VSTM2B: variants seen among roughly 807,000 people sequenced by gnomAD.
The protein encoded by VSTM2B is V-set and transmembrane domain-containing protein 2B.
VSTM2B carries 24 observed loss-of-function variants against 24.0 expected under a neutral mutation model. The observed-to-expected ratio is 1.00, with a 90% CI of 0.72 to 1.40. VSTM2B has a LOEUF of 1.40. Among genes scored for constraint, VSTM2B ranks in the 40% most tolerant of loss-of-function variants. The pLI is 0.00. For missense variants in VSTM2B, 399 were observed against 416.4 expected (o/e 0.96, Z 0.36); for synonymous variants, 226 against 194.4 (o/e 1.16, Z -1.35).
Position 29,528,463 on chromosome 19 carries a change from G to A in VSTM2B, c.297+1G>A. On this transcript the variant is annotated splice_donor_variant, in intron 3 of 4. Transcript: ENST00000335523. LOFTEE classifies it high-confidence loss of function. ...AAATAAGGATGCAACTAAAATCAGC[G>A]TAAGTGTGGAGCCCAGCGCGGGCCG... The A allele has an allele frequency of 6.4e-7, 1 of 1,550,996 alleles. No homozygotes were observed. The highest frequency in any genetic ancestry group is 8.7e-7 in the Non-Finnish European group (1 of 1,146,938).
chr19:29,562,659 G>A (rs1238501473), intron 4 of VSTM2B, among the ~76,000 whole-genome samples: 7 of 152,200 alleles, frequency 4.6e-5, no homozygotes, highest in African/African-American at 1.2e-4. Flanking sequence ...CAGCACCAAG[G>A]ATCGTGCAGG....
At chr19:29,563,739 C>A (rs926708174) in intron 4 of VSTM2B, 107 bp from the exon 5 acceptor site, 24 of 953,590 alleles carry the variant, frequency 2.5e-5, no homozygotes, top group Non-Finnish European at 3.5e-5. Context: ...GGGTGCTAAG[C>A]GTGAGTGGCC....
At chr19:29,535,985 C>T (rs77539318) in intron 4 of VSTM2B, among the ~76,000 whole-genome samples, 1,961 of 152,270 alleles carry the variant, frequency 0.013, 36 homozygotes, top group Non-Finnish European at 0.019. Flanking sequence ...GAAGAGAGGG[C>T]GAGGCTCTCT....
chr19:29,550,049 AGGCTTGAACATCAGAGCTGAGG>A (rs1970243369), intron 4 of VSTM2B, among the ~76,000 whole-genome samples: 1 of 152,244 alleles, frequency 6.6e-6, no homozygotes, highest in Non-Finnish European at 1.5e-5. Context: ...GACTAGAAAT[AGGCTTGAACATCAGAGCTGAGG>A]GGCCCCTATC....
At chr19:29,538,391 G>C (rs1969943957) in intron 4 of VSTM2B, among the ~76,000 whole-genome samples, 1 of 152,172 alleles carries the variant, frequency 6.6e-6, no homozygotes, top group Non-Finnish European at 1.5e-5. Context: ...AGTGGATGTT[G>C]GCTTTGGTAA....
intron 4 of VSTM2B, among the ~76,000 whole-genome samples, chr19:29,559,299 A>T (rs1197159754): frequency 6.6e-6 from 1 of 152,256 alleles, no homozygotes; most frequent in Middle Eastern, 3.2e-3. Flanking sequence ...AGATGAGTTC[A>T]TGTCCTTTGC....
chr19:29,560,884 C>A (rs2145519455), intron 4 of VSTM2B, among the ~76,000 whole-genome samples: 1 of 152,310 alleles, frequency 6.6e-6, no homozygotes, highest in African/African-American at 2.4e-5. Flanking sequence ...TCCTGTTAGC[C>A]ATTTCCCCTG....
At chr19:29,551,185 T>C (rs973218169) in intron 4 of VSTM2B, among the ~76,000 whole-genome samples, 2 of 152,170 alleles carry the variant, frequency 1.3e-5, no homozygotes, top group African/African-American at 4.8e-5. Context: ...TAGAAACAGA[T>C]ACTCCATGCC....
intron 4 of VSTM2B, among the ~76,000 whole-genome samples, chr19:29,550,125 C>T (rs1477001278): frequency 6.6e-6 from 1 of 152,198 alleles, no homozygotes; most frequent in Non-Finnish European, 1.5e-5. Flanking sequence ...GCCAAGAAGC[C>T]CTTGTTCTGA....
At chr19:29,552,570 G>A (rs1307003697) in intron 4 of VSTM2B, among the ~76,000 whole-genome samples, 1 of 152,204 alleles carries the variant, frequency 6.6e-6, no homozygotes, top group Non-Finnish European at 1.5e-5. Context: ...AAACCTGTGG[G>A]TCAGGGGATC....
chr19:29,542,203 G>C (rs1161493460), intron 4 of VSTM2B, among the ~76,000 whole-genome samples: 1 of 151,628 alleles, frequency 6.6e-6, no homozygotes, highest in Non-Finnish European at 1.5e-5. Flanking sequence ...TAAGTAGATG[G>C]GTAGATGGGT....
intron 4 of VSTM2B, among the ~76,000 whole-genome samples, chr19:29,545,020 C>T (rs896978254): frequency 3.3e-5 from 5 of 152,312 alleles, no homozygotes; most frequent in South Asian, 2.1e-4. Context: ...TAACACACTA[C>T]GGCCATCCAC....
chr19:29,559,333 T>A (rs566741283), intron 4 of VSTM2B, among the ~76,000 whole-genome samples: 2 of 152,196 alleles, frequency 1.3e-5, no homozygotes, highest in South Asian at 4.2e-4. Context: ...AAGCTGGAAA[T>A]CACCATTCTC....
chr19:29,557,300 C>T (rs1285332493), intron 4 of VSTM2B, among the ~76,000 whole-genome samples: 3 of 152,222 alleles, frequency 2.0e-5, no homozygotes, highest in Non-Finnish European at 2.9e-5. Context: ...AAAGGATTCC[C>T]TATTTAATAA....
intron 4 of VSTM2B, among the ~76,000 whole-genome samples, chr19:29,555,014 T>C (rs959059147): frequency 6.6e-6 from 1 of 152,110 alleles, no homozygotes; most frequent in African/African-American, 2.4e-5. Context: ...AGACAGAAAA[T>C]TAACAAGGAT....
intron 3 of VSTM2B, 65 bp from the exon 4 acceptor site, chr19:29,529,754 C>T (rs2145461287): frequency 6.8e-7 from 1 of 1,478,152 alleles, no homozygotes; most frequent in Non-Finnish European, 9.2e-7. Context: ...GCGCGACGGC[C>T]AGGGTGGCCA....
intron 2 of VSTM2B, 74 bp downstream of exon 2, chr19:29,527,469 G>A (rs1412442567): frequency 7.5e-7 from 1 of 1,325,386 alleles, no homozygotes; most frequent in South Asian, 1.7e-5. Context: ...CCCAGGGAGG[G>A]AAGCAGCGGG....
chr19:29,528,860 G>T, intron 3 of VSTM2B: 1 of 962,282 alleles, frequency 1.0e-6, no homozygotes, highest in Admixed American at 6.1e-5. Context: ...CCTCTGCCCC[G>T]CCCTGAGCAT....
chr19:29,528,875 T>C (rs1969652537), intron 3 of VSTM2B: 1 of 979,212 alleles, frequency 1.0e-6, no homozygotes, highest in Non-Finnish European at 1.2e-6. Flanking sequence ...GAGCATCTGC[T>C]CTGCGCCCTC....
Sources: gnomAD v4.1 joint callset for allele counts (sites outside exome capture counted in the v4.1 genomes callset) on GRCh38, gnomAD v4.1.1 for gene constraint, MANE v1.5 for transcripts, NCBI Gene and HGNC (gene_info 2026-07-23, HGNC 2026-07-21) for gene names.